The following CNTNAP2 variants were observed in gnomAD, a reference collection of about 807,000 sequenced individuals.
CNTNAP2 encodes contactin associated protein 2.
Under a neutral mutation model 155.2 loss-of-function variants are expected in CNTNAP2, and 98 were observed. The observed-to-expected ratio is 0.63, with a 90% CI of 0.54 to 0.75. The LOEUF (loss-of-function observed/expected upper bound fraction) is 0.75, where lower values mean the gene tolerates loss of function less well. Among genes scored for constraint, CNTNAP2 ranks in the 30% least tolerant of loss-of-function variants. The pLI, the probability that CNTNAP2 is intolerant of heterozygous loss-of-function variation, is 0.00. For synonymous variants in CNTNAP2, 651 were observed against 631.2 expected (o/e 1.03, Z -0.47); for missense variants, 1,727 against 1,688.1 (o/e 1.02, Z -0.40).
At chr7:147,152,230 A>G (rs780304115) in intron 8 of CNTNAP2, among the ~76,000 whole-genome samples, 6 of 151,932 alleles carry the variant, frequency 3.9e-5, no homozygotes, top group East Asian at 1.9e-4. Context: ...AAAGCACCTA[A>G]TGATTCATTG....
chr7:147,982,739 C>T (rs1373747074), intron 15 of CNTNAP2, among the ~76,000 whole-genome samples: 1 of 152,014 alleles, frequency 6.6e-6, no homozygotes, highest in Non-Finnish European at 1.5e-5. Flanking sequence ...ATAAGATGGC[C>T]AGGCATGGTG....
At chr7:147,130,823 A>G (rs1354086424) in intron 7 of CNTNAP2, among the ~76,000 whole-genome samples, 1 of 152,122 alleles carries the variant, frequency 6.6e-6, no homozygotes, top group Non-Finnish European at 1.5e-5. Context: ...TGCTAGGGAG[A>G]CAATCCCCTC....
At chr7:147,182,038 T>C (rs1401941455) in intron 8 of CNTNAP2, among the ~76,000 whole-genome samples, 1 of 149,860 alleles carries the variant, frequency 6.7e-6, no homozygotes, top group Non-Finnish European at 1.5e-5. Flanking sequence ...GGCAGGAGAA[T>C]TGCTTGAATC....
intron 1 of CNTNAP2, among the ~76,000 whole-genome samples, chr7:146,631,482 A>G (rs1029239093): frequency 6.6e-6 from 1 of 152,126 alleles, no homozygotes; most frequent in African/African-American, 2.4e-5. Context: ...GTTCTGTCCC[A>G]AGGTAAATCT....
intron 1 of CNTNAP2, among the ~76,000 whole-genome samples, chr7:146,551,047 C>A (rs1225307078): frequency 6.6e-6 from 1 of 152,044 alleles, no homozygotes; most frequent in Non-Finnish European, 1.5e-5. Context: ...ATTTTAGATT[C>A]TTCACCAAGG....
At chr7:146,666,656 ATTGGTTACGTT>A (rs1329430530) in intron 1 of CNTNAP2, among the ~76,000 whole-genome samples, 1 of 152,132 alleles carries the variant, frequency 6.6e-6, no homozygotes, top group Non-Finnish European at 1.5e-5. Context: ...CCTTTCAAGC[ATTGGTTACGTT>A]TTGTCTTTTT....
chr7:148,287,310 C>T (rs1797099885), intron 21 of CNTNAP2, among the ~76,000 whole-genome samples: 1 of 151,922 alleles, frequency 6.6e-6, no homozygotes, highest in Non-Finnish European at 1.5e-5. Context: ...AGGAAAAAAT[C>T]AAATCAAGAA....
In CNTNAP2 at chr7:148,129,242, T is replaced by C. The variant is rs551596468; in HGVS notation, c.2554+10954T>C. On this transcript the variant is annotated intron_variant, in intron 16 of 23. Coordinates refer to ENST00000361727, the MANE Select transcript of CNTNAP2 (RefSeq NM_014141.6). ...CAGCTTATTTACATAGTCACGGGCA[T>C]TTTAGGACAATAAAAAGAAAGTAAA... Among the ~76,000 whole-genome samples, 4 of 145,312 alleles carry C rather than the reference T, an allele frequency of 2.8e-5. No homozygotes were observed. The South Asian group carries it at 8.5e-4, about 31-fold the overall frequency.
chr7:147,393,484 A>C (rs1235392265), intron 9 of CNTNAP2, among the ~76,000 whole-genome samples: 1 of 124,978 alleles, frequency 8.0e-6, no homozygotes, highest in African/African-American at 3.3e-5. Context: ...CCAATTATTC[A>C]AAAAAAAAAA....
chr7:148,121,673 A>T (rs1287811444), intron 16 of CNTNAP2, among the ~76,000 whole-genome samples: 1 of 152,172 alleles, frequency 6.6e-6, no homozygotes, highest in African/African-American at 2.4e-5. Context: ...AATTAATTAC[A>T]TTGTGCCCTT....
chr7:146,300,581 ATACT>A (rs1426219008), intron 1 of CNTNAP2, among the ~76,000 whole-genome samples: 1 of 152,146 alleles, frequency 6.6e-6, no homozygotes, highest in Non-Finnish European at 1.5e-5. Context: ...TGGCTGATAG[ATACT>A]TAAGAGGAAA....
chr7:146,966,387 T>C (rs1206114157), intron 3 of CNTNAP2, among the ~76,000 whole-genome samples: 4 of 152,190 alleles, frequency 2.6e-5, no homozygotes, highest in Non-Finnish European at 5.9e-5. Flanking sequence ...TAAAATGGAA[T>C]TCTCCTGCCA....
intron 3 of CNTNAP2, among the ~76,000 whole-genome samples, chr7:146,859,120 T>A (rs1431345488): frequency 1.3e-5 from 2 of 152,184 alleles, no homozygotes; most frequent in African/African-American, 4.8e-5. Context: ...ATATAGGCAA[T>A]AACATTAGAA....
At chr7:147,349,554 T>TA (rs1421268810) in intron 9 of CNTNAP2, among the ~76,000 whole-genome samples, 4 of 151,890 alleles carry the variant, frequency 2.6e-5, no homozygotes, top group Non-Finnish European at 5.9e-5. Context: ...AAAAAATATA[T>TA]AACATTCCAA....
At position 146,298,709 on chromosome 7, in the gene CNTNAP2, G is replaced by T. The variant is rs558901432; in HGVS notation, c.97+181736G>T. 1.4e-4 allele frequency among the ~76,000 whole-genome samples: 22 copies of T among 152,324 alleles called. No homozygotes were observed. In the South Asian group the frequency reaches 4.4e-3, roughly 30 times the overall value. On this transcript the variant is annotated intron_variant, in intron 1 of 23. Coordinates refer to ENST00000361727, the MANE Select transcript of CNTNAP2 (RefSeq NM_014141.6). Reference sequence around the variant, plus strand: ...GTTTGAAGCATGTTTTTGAATGCATGTTCAACACTGGAGAAAGTAGATTAC... The same window carrying T: ...GTTTGAAGCATGTTTTTGAATGCATTTTCAACACTGGAGAAAGTAGATTAC...
At chr7:148,098,910 GA>G (rs1282743528) in intron 15 of CNTNAP2, among the ~76,000 whole-genome samples, 1 of 152,144 alleles carries the variant, frequency 6.6e-6, no homozygotes, top group Non-Finnish European at 1.5e-5. Context: ...AGGTGCCAGG[GA>G]AGCCCAGAAT....
chr7:147,070,587 AT>A (rs1223792382), intron 4 of CNTNAP2, among the ~76,000 whole-genome samples: 1 of 152,142 alleles, frequency 6.6e-6, no homozygotes, highest in African/African-American at 2.4e-5. Context: ...TTAGTCTTTG[AT>A]TTCTATATAG....
chr7:148,061,591 G>C (rs921741034), intron 15 of CNTNAP2, among the ~76,000 whole-genome samples: 1 of 151,944 alleles, frequency 6.6e-6, no homozygotes, highest in Non-Finnish European at 1.5e-5. Context: ...CTGATCTCAA[G>C]TGATCCACCT....
At chr7:146,122,943 A>C (rs1253383473) in intron 1 of CNTNAP2, among the ~76,000 whole-genome samples, 1 of 152,240 alleles carries the variant, frequency 6.6e-6, no homozygotes, top group African/African-American at 2.4e-5. Context: ...GCACTTAGAA[A>C]ACAAAATTGA....
Sources: allele counts gnomAD v4.1 joint callset (sites outside exome capture counted in the v4.1 genomes callset), GRCh38; gene constraint gnomAD v4.1.1; transcripts MANE v1.5; gene names NCBI Gene and HGNC (gene_info 2026-07-23, HGNC 2026-07-21).